RIMS2: variants seen among roughly 807,000 people sequenced by gnomAD.
RIMS2 encodes regulating synaptic membrane exocytosis protein 2.
In RIMS2, 59 loss-of-function variants were observed where a neutral mutation model predicts 174.4. The ratio of observed to expected loss-of-function variants is 0.34; its 90% CI spans 0.27 to 0.42. The LOEUF (loss-of-function observed/expected upper bound fraction) is 0.42. Among genes scored for constraint, RIMS2 ranks in the 10% least tolerant of loss-of-function variants. The pLI, the probability that RIMS2 is intolerant of heterozygous loss-of-function variation, is 1.00. For missense variants in RIMS2, 1,620 were observed against 1,666.3 expected, an observed-to-expected ratio of 0.97 and a Z score of 0.48; for synonymous variants, 606 against 572.5, an observed-to-expected ratio of 1.06 and a Z score of -0.84.
chr8:104,126,912 A>C lies in RIMS2; in HGVS notation c.3334+112297A>C, dbSNP rs530628977. ...GCAAATACACTTGCCTCAAGAGCTAAGGGATTAGAGAGGAATGGCAAGTTT... is the reference window on the plus strand; with the variant it reads ...GCAAATACACTTGCCTCAAGAGCTACGGGATTAGAGAGGAATGGCAAGTTT... On this transcript the variant is annotated intron_variant, in intron 19 of 23. Coordinates refer to ENST00000504942, the Ensembl canonical transcript of RIMS2. 2.6e-4 allele frequency among the ~76,000 whole-genome samples: 39 copies of C among 152,310 alleles called. No individual in the cohort carries two copies. The East Asian group carries it at 7.3e-3, about 29-fold the overall frequency.
chr8:103,559,393 G>C, intron 1 of RIMS2: 1 of 348,484 alleles, frequency 2.9e-6, no homozygotes, highest in Non-Finnish European at 5.5e-6. Context: ...CTGCTTCACG[G>C]TGGAGCATGC....
At chr8:104,038,840 A>G (rs974610594) in intron 19 of RIMS2, among the ~76,000 whole-genome samples, 2 of 151,854 alleles carry the variant, frequency 1.3e-5, no homozygotes, top group African/African-American at 2.4e-5. Flanking sequence ...AACTATAGTT[A>G]TATATTGAGA....
downstream of RIMS2, chr8:104,255,326 A>T (rs1367123824): frequency 1.3e-5 from 2 of 150,938 alleles, no homozygotes; most frequent in Non-Finnish European, 2.9e-5. Flanking sequence ...CCCCTACTCT[A>T]GTGAATTGTT....
At chr8:104,159,704 C>T (rs2098749119) in intron 19 of RIMS2, among the ~76,000 whole-genome samples, 1 of 152,110 alleles carries the variant, frequency 6.6e-6, no homozygotes, top group African/African-American at 2.4e-5. Flanking sequence ...TTCATATGCT[C>T]ATAGATCATT....
intron 19 of RIMS2, among the ~76,000 whole-genome samples, chr8:104,084,567 C>T (rs1475499677): frequency 1.3e-5 from 2 of 151,224 alleles, no homozygotes; most frequent in African/African-American, 4.9e-5. Context: ...AATGCCCTTT[C>T]GTTTTTTGTT....
At chr8:103,792,459 A>G (rs2098508466) in intron 3 of RIMS2, among the ~76,000 whole-genome samples, 1 of 152,170 alleles carries the variant, frequency 6.6e-6, no homozygotes, top group Admixed American at 6.5e-5. Context: ...AATGCCCACA[A>G]GAGAAAGCAG....
chr8:104,004,960 G>T (rs1015943067), intron 17 of RIMS2, among the ~76,000 whole-genome samples: 2 of 152,306 alleles, frequency 1.3e-5, no homozygotes, highest in Middle Eastern at 6.8e-3. Flanking sequence ...TCTGAGCGCT[G>T]TATGGGAGTG....
intron 19 of RIMS2, among the ~76,000 whole-genome samples, chr8:104,238,632 G>A (rs1228704748): frequency 2.0e-5 from 3 of 151,966 alleles, no homozygotes; most frequent in Non-Finnish European, 2.9e-5. Context: ...TCTTAAAGAC[G>A]AAAAAGTCTT....
At chr8:103,686,075 T>G (rs1254770027) in intron 1 of RIMS2, among the ~76,000 whole-genome samples, 1 of 152,156 alleles carries the variant, frequency 6.6e-6, no homozygotes, top group African/African-American at 2.4e-5. Flanking sequence ...CTTTTTTCTT[T>G]TTTTATTTTT....
intron 1 of RIMS2, among the ~76,000 whole-genome samples, chr8:103,609,525 G>C (rs550099906): frequency 2.0e-5 from 3 of 152,112 alleles, no homozygotes; most frequent in Non-Finnish European, 4.4e-5. Context: ...TTGAGTTCCT[G>C]TTTGGATATG....
At chr8:104,058,855 G>A (rs1290990866) in intron 19 of RIMS2, among the ~76,000 whole-genome samples, 2 of 152,058 alleles carry the variant, frequency 1.3e-5, no homozygotes, top group African/African-American at 2.4e-5. Context: ...TTTTTCTCAG[G>A]TTTGCCAAAG....
At chr8:103,996,928 T>C (rs1251717241) in intron 17 of RIMS2, among the ~76,000 whole-genome samples, 1 of 151,732 alleles carries the variant, frequency 6.6e-6, no homozygotes, top group Non-Finnish European at 1.5e-5. Context: ...CTAGAGAGGT[T>C]TCAGAAACCA....
In RIMS2 at chr8:104,149,978, T is replaced by C. The variant is rs141651648; in HGVS notation, c.3335-94938T>C. 6.6e-5 allele frequency among the ~76,000 whole-genome samples: 10 copies of C among 152,308 alleles called. No individual in the cohort carries two copies. In the East Asian group the frequency reaches 1.9e-3, roughly 29 times the overall value. On this transcript the variant is annotated intron_variant, in intron 19 of 23. Coordinates refer to ENST00000504942, the Ensembl canonical transcript of RIMS2. Reference sequence around the variant, plus strand: ...TAAAATACTATTTTGCATTTTAATATATAAATAGAAGTTTAATTTATGGAC... The same window carrying C: ...TAAAATACTATTTTGCATTTTAATACATAAATAGAAGTTTAATTTATGGAC...
intron 14 of RIMS2, among the ~76,000 whole-genome samples, chr8:103,946,179 AT>A (rs1434996145): frequency 6.6e-6 from 1 of 152,224 alleles, no homozygotes; most frequent in East Asian, 1.9e-4. Context: ...ATTCATTAAC[AT>A]TTTAATACTG....
At chr8:103,936,621 T>C in exon 13 of RIMS2, 3 of 1,611,024 alleles carry the variant, frequency 1.9e-6, no homozygotes, top group Non-Finnish European at 1.7e-6. Flanking sequence ...AACATTCATT[T>C]ATTCTCCAGT....
intron 1 of RIMS2, among the ~76,000 whole-genome samples, chr8:103,528,342 G>C (rs1354991786): frequency 1.3e-5 from 2 of 151,900 alleles, no homozygotes; most frequent in African/African-American, 4.8e-5. Context: ...TCTGTAGGTT[G>C]CCTGTTCTCT....
intron 19 of RIMS2, 24 bp from the exon 26 acceptor site, chr8:104,244,892 C>T (rs756714189): frequency 1.6e-5 from 26 of 1,603,166 alleles, no homozygotes; most frequent in Non-Finnish European, 2.2e-5. Context: ...AAAGCTGTTA[C>T]ACTTTTTGTT....
At chr8:103,829,086 GTT>G (rs34072454) in intron 3 of RIMS2, among the ~76,000 whole-genome samples, 22,426 of 134,582 alleles carry the variant, frequency 0.17, 1,738 homozygotes, top group African/African-American at 0.25. Context: ...TTAATAATAG[GTT>G]TTTTTTTTTT....
intron 2 of RIMS2, among the ~76,000 whole-genome samples, chr8:103,713,790 A>G (rs766216940): frequency 9.9e-5 from 15 of 152,200 alleles, no homozygotes; most frequent in Non-Finnish European, 1.6e-4. Flanking sequence ...TGGCATAAAG[A>G]GTCACCGCTC....
Sources: allele counts gnomAD v4.1 joint callset (sites outside exome capture counted in the v4.1 genomes callset), GRCh38; gene constraint gnomAD v4.1.1; transcripts MANE v1.5; gene names NCBI Gene and HGNC (gene_info 2026-07-23, HGNC 2026-07-21).